STOX1: variants seen among roughly 807,000 people sequenced by gnomAD.
The protein encoded by STOX1 is storkhead-box protein 1.
In STOX1, 57 loss-of-function variants were observed where a neutral mutation model predicts 74.8. That is an observed-to-expected ratio of 0.76 (90% confidence interval 0.62 to 0.95). The LOEUF (loss-of-function observed/expected upper bound fraction) is 0.95, where lower values mean the gene tolerates loss of function less well. Ranked by LOEUF, STOX1 falls within the 40% of genes least tolerant of loss-of-function variation. The pLI is 0.00. For synonymous variants in STOX1, 375 were observed against 401.3 expected, an observed-to-expected ratio of 0.93 and a Z score of 0.78; for missense variants, 1,010 against 1,117.0, an observed-to-expected ratio of 0.90 and a Z score of 1.37.
chr10:68,844,727 G>GT (rs1219979425), intron 1 of STOX1, among the ~76,000 whole-genome samples: 2 of 152,006 alleles, frequency 1.3e-5, no homozygotes, highest in Admixed American at 6.6e-5. Context: ...TTTTGCAAAT[G>GT]TTTTTTCCCA....
chr10:68,851,496 A>G (rs1009468887), intron 1 of STOX1, among the ~76,000 whole-genome samples: 1 of 152,310 alleles, frequency 6.6e-6, no homozygotes, highest in South Asian at 2.1e-4. Flanking sequence ...GTCTTTATGC[A>G]CTATATGAAT....
intron 3 of STOX1, among the ~76,000 whole-genome samples, chr10:68,891,526 G>C (rs1444213840): frequency 1.3e-5 from 2 of 152,166 alleles, no homozygotes; most frequent in Non-Finnish European, 2.9e-5. Context: ...AAAATAGGCT[G>C]GACGCAGTGG....
At chr10:68,850,328 A>G (rs1485816287) in intron 1 of STOX1, among the ~76,000 whole-genome samples, 1 of 152,102 alleles carries the variant, frequency 6.6e-6, no homozygotes, top group Non-Finnish European at 1.5e-5. Flanking sequence ...TTTTAAACCG[A>G]AGCTTATTTC....
chr10:68,839,271 G>A (rs1055851896), intron 1 of STOX1, among the ~76,000 whole-genome samples: 1 of 152,150 alleles, frequency 6.6e-6, no homozygotes. Context: ...CACCTAGGCT[G>A]GAGTACAACA....
intron 1 of STOX1, among the ~76,000 whole-genome samples, chr10:68,840,675 T>G (rs573990234): frequency 6.6e-6 from 1 of 152,222 alleles, no homozygotes; most frequent in African/African-American, 2.4e-5. Context: ...ATTCTCATGC[T>G]TCAGCCTCCC....
chr10:68,882,417 T>C (rs1180991460), intron 2 of STOX1, among the ~76,000 whole-genome samples: 1 of 152,152 alleles, frequency 6.6e-6, no homozygotes, highest in Non-Finnish European at 1.5e-5. Flanking sequence ...TATTTTTTCA[T>C]TCTCACTTCC....
chr10:68,876,892 G>A (rs1840694320), intron 1 of STOX1, among the ~76,000 whole-genome samples: 1 of 152,064 alleles, frequency 6.6e-6, no homozygotes, highest in African/African-American at 2.4e-5. Flanking sequence ...GTTAATTTTT[G>A]GTGAAAAACT....
downstream of STOX1, among the ~76,000 whole-genome samples, chr10:68,893,671 C>A (rs1841145242): frequency 6.6e-6 from 1 of 152,194 alleles, no homozygotes; most frequent in Non-Finnish European, 1.5e-5. Context: ...CCCGCCTCGG[C>A]CTCCCAAAGT....
intron 1 of STOX1, among the ~76,000 whole-genome samples, chr10:68,867,577 A>G (rs1196259110): frequency 1.3e-5 from 2 of 152,348 alleles, no homozygotes; most frequent in South Asian, 2.1e-4. Flanking sequence ...AGGGGGTGCC[A>G]AGGGGCAGGG....
chr10:68,857,521 C>T (rs1046259738), intron 1 of STOX1, among the ~76,000 whole-genome samples: 17 of 152,100 alleles, frequency 1.1e-4, no homozygotes, highest in Non-Finnish European at 1.9e-4. Flanking sequence ...TGTAAACACA[C>T]GCTCAGAGTT....
At chr10:68,854,185 G>A (rs1840063085) in intron 1 of STOX1, among the ~76,000 whole-genome samples, 1 of 151,704 alleles carries the variant, frequency 6.6e-6, no homozygotes. Context: ...AGTAGAGAAG[G>A]AGTTTCACCA....
chr10:68,828,923 T>C, intron 1 of STOX1: 1 of 981,488 alleles, frequency 1.0e-6, no homozygotes, highest in African/African-American at 1.7e-5. Context: ...TTTCATAAAA[T>C]AGCTTCTCAT....
intron 1 of STOX1, among the ~76,000 whole-genome samples, chr10:68,874,536 G>T (rs1182678971): frequency 6.6e-6 from 1 of 151,892 alleles, no homozygotes; most frequent in Non-Finnish European, 1.5e-5. Context: ...TTATAATTTT[G>T]CTTGTAACTT....
chr10:68,853,946 A>G (rs1198536133), intron 1 of STOX1, among the ~76,000 whole-genome samples: 1 of 150,976 alleles, frequency 6.6e-6, no homozygotes, highest in Non-Finnish European at 1.5e-5. Context: ...TGGCCTCCCA[A>G]AGTGCTGGGA....
rs191284778 is a variant in STOX1, at chr10:68,885,152, C to A, written c.1356C>A (p.His452Gln). Residue 452 changes from histidine to glutamine, a missense_variant, in exon 3 of 4, where the codon CAC becomes CAA. Physicochemically the swap from His to Gln is conservative, Grantham distance 24. Transcript: ENST00000298596. ...FQPGSIRLEK[H>Q]PKLPATQPIP... ...CAGGAAGCATTAGACTGGAGAAACA[C>A]CCCAAGCTCCCTGCTACACAGCCCA... The A allele has an allele frequency of 1.2e-6, 2 of 1,613,848 alleles. No homozygotes were observed. The highest frequency in any genetic ancestry group is 1.7e-6 in the Non-Finnish European group (2 of 1,179,906).
chr10:68,879,354 A>AT (rs972937860), intron 1 of STOX1, among the ~76,000 whole-genome samples: 1 of 151,422 alleles, frequency 6.6e-6, no homozygotes, highest in Non-Finnish European at 1.5e-5. Flanking sequence ...CTGTGCTAAT[A>AT]TTTTTTTTCC....
chr10:68,878,883 C>T (rs758063442), intron 1 of STOX1, among the ~76,000 whole-genome samples: 3 of 152,172 alleles, frequency 2.0e-5, no homozygotes, highest in Non-Finnish European at 4.4e-5. Flanking sequence ...TACTTGACTC[C>T]CCATTCAGCC....
Position 68,886,118 on chromosome 10 carries a change from G to A in STOX1, c.2322G>A (p.Val774=), listed in dbSNP as rs117563383. 435 of 1,614,200 alleles carry A rather than the reference G, an allele frequency of 2.7e-4. No individual in the cohort carries two copies. Among genetic ancestry groups the A allele is most frequent in the Middle Eastern group, 1.6e-3 (10 of 6,062 alleles). The part of the protein sequence containing the change: ...SQGNHLGKQK[V]IERSLTEYNS... ...GAAATCATTTAGGAAAACAAAAAGT[G>A]ATTGAGAGATCTCTGACCGAGTACA... The change falls in exon 3 of 4, where the codon GTG becomes GTA. Residue 774 remains valine, a synonymous_variant. Transcript: ENST00000298596.
chr10:68,882,726 T>A (rs886757022), intron 2 of STOX1, among the ~76,000 whole-genome samples: 1 of 152,176 alleles, frequency 6.6e-6, no homozygotes, highest in African/African-American at 2.4e-5. Flanking sequence ...CTCGAACTCC[T>A]GACCTCATGA....
Sources: allele counts gnomAD v4.1 joint callset (sites outside exome capture counted in the v4.1 genomes callset), GRCh38; gene constraint gnomAD v4.1.1; transcripts MANE v1.5; gene names NCBI Gene and HGNC (gene_info 2026-07-23, HGNC 2026-07-21).